DNAI4: variants seen among roughly 807,000 people sequenced by gnomAD.
DNAI4 encodes dynein axonemal intermediate chain 4.
DNAI4 carries 85 observed loss-of-function variants against 105.8 expected under a neutral mutation model. That is an observed-to-expected ratio of 0.80 (90% CI 0.67 to 0.96). DNAI4 has a LOEUF of 0.96. Ranked by LOEUF, DNAI4 falls within the 40% of genes least tolerant of loss-of-function variation. DNAI4 has a pLI of 0.00. For missense variants in DNAI4, 1,014 were observed against 1,005.6 expected (o/e 1.01, Z -0.11); for synonymous variants, 352 against 331.5 (o/e 1.06, Z -0.67).
At chr1:66,871,534 C>A in intron 5 of DNAI4, 25 bp from the exon 6 acceptor site, 1 of 1,544,024 alleles carries the variant, frequency 6.5e-7, no homozygotes, top group Non-Finnish European at 8.7e-7. Flanking sequence ...GTGTATCCAA[C>A]TCATTAATAA....
chr1:66,847,623 A>G lies in DNAI4; in HGVS notation c.1152T>C (p.His384=), dbSNP rs201865643. The G allele has an allele frequency of 1.5e-4, 247 of 1,613,526 alleles. No homozygotes were observed. Among genetic ancestry groups the G allele is most frequent in the Non-Finnish European group, 2.0e-4 (236 of 1,179,896 alleles). The change falls in exon 8 of 17, where the codon CAT becomes CAC. Residue 384 remains histidine, a synonymous_variant. Coordinates refer to ENST00000371026, the MANE Select transcript of DNAI4 (RefSeq NM_024763.5). ...CATCTGAGTGGTCTTCCTCATCTTC[A>G]TGGATTTTTGCCAGAATTACATTTT... ...DIENVILAKI[H]EDEEDHSDAI... is the part of the protein sequence containing the mutation.
intron 7 of DNAI4, chr1:66,848,236 C>G (rs944729319): frequency 2.2e-6 from 1 of 456,238 alleles, no homozygotes; most frequent in Admixed American, 2.3e-5. Flanking sequence ...ACCTTTCCTT[C>G]ATCTTCAAAG....
chr1:66,848,437 G>A (rs1646324868), intron 7 of DNAI4: 2 of 359,076 alleles, frequency 5.6e-6, no homozygotes, highest in East Asian at 7.5e-5. Context: ...CTTTTGCCAT[G>A]TTAGGTAACA....
At chr1:66,915,477 G>C (rs971018421) in intron 1 of DNAI4, among the ~76,000 whole-genome samples, 1 of 152,130 alleles carries the variant, frequency 6.6e-6, no homozygotes, top group Admixed American at 6.5e-5. Flanking sequence ...AGTTTTCATA[G>C]GTCATATAGG....
rs758840066 is a variant in DNAI4, at chr1:66,835,650, C to T, written c.1709G>A (p.Ser570Asn). 1 of 1,614,136 alleles carries T rather than the reference C, an allele frequency of 6.2e-7. No individual in the cohort carries two copies. Among genetic ancestry groups the T allele is most frequent in the Non-Finnish European group, 8.5e-7 (1 of 1,180,010 alleles). The change falls in exon 11 of 17, where the codon AGT (serine) becomes AAT (asparagine). Residue 570 changes from serine to asparagine, a missense_variant. Transcript: ENST00000371026. The part of the protein sequence containing the change: ...TIAIYNVRSN[S>N]NVPVLDSSES... ...CCTACTATCCAGAACTGGAACATTA[C>T]TGTTGCTCCGTACATTGTAAATTGC...
At chr1:66,851,246 G>A (rs1183778179) in intron 7 of DNAI4, among the ~76,000 whole-genome samples, 2 of 151,554 alleles carry the variant, frequency 1.3e-5, no homozygotes, top group Non-Finnish European at 3.0e-5. Flanking sequence ...AATTACCAGG[G>A]ATATATAGCA....
At chr1:66,849,692 T>C (rs533049826) in intron 7 of DNAI4, among the ~76,000 whole-genome samples, 30 of 152,076 alleles carry the variant, frequency 2.0e-4, no homozygotes, top group African/African-American at 6.0e-4. Flanking sequence ...ATCAAAGGAA[T>C]AGAAAGTCTT....
At chr1:66,904,946 C>A (rs3008889) in intron 2 of DNAI4, 25,585 of 390,306 alleles carry the variant, frequency 0.066, 1,084 homozygotes, top group African/African-American at 0.14. Flanking sequence ...TAATTAATAC[C>A]ATAAGCAAAT....
chr1:66,823,388 T>G (rs909077444), intron 15 of DNAI4, among the ~76,000 whole-genome samples: 1 of 152,158 alleles, frequency 6.6e-6, no homozygotes, highest in East Asian at 1.9e-4. Flanking sequence ...TGTGTCTTTA[T>G]AGCAACATGA....
At chr1:66,824,247 C>T (rs1645699670) in intron 15 of DNAI4, among the ~76,000 whole-genome samples, 1 of 143,610 alleles carries the variant, frequency 7.0e-6, no homozygotes, top group African/African-American at 2.6e-5. Flanking sequence ...TCTGAGGGCT[C>T]TGTTCTGTTC....
chr1:66,916,560 A>T (rs1160696892), intron 1 of DNAI4, among the ~76,000 whole-genome samples: 1 of 152,200 alleles, frequency 6.6e-6, no homozygotes, highest in Non-Finnish European at 1.5e-5. Flanking sequence ...CTGTTGTGAA[A>T]GAGGTTGGAA....
intron 13 of DNAI4, among the ~76,000 whole-genome samples, chr1:66,830,140 A>G (rs141282070): frequency 4.6e-5 from 7 of 152,268 alleles, no homozygotes; most frequent in African/African-American, 9.6e-5. Context: ...CTCCACTTTC[A>G]TTCTAAAAAA....
intron 2 of DNAI4, among the ~76,000 whole-genome samples, chr1:66,896,914 A>T (rs1412356624): frequency 6.6e-6 from 1 of 152,258 alleles, no homozygotes; most frequent in African/African-American, 2.4e-5. Context: ...CAAACACCTG[A>T]AAATGTAGAA....
At chr1:66,893,097 G>GAAAGAAAGAA (rs1553227709) in intron 3 of DNAI4, 132 bp downstream of exon 3, 2 of 434,302 alleles carry the variant, frequency 4.6e-6, no homozygotes, top group Non-Finnish European at 7.8e-6. Flanking sequence ...AAGAAAGAAA[G>GAAAGAAAGAA]AAAGAAAGAA....
At chr1:66,851,255 C>G (rs188097595) in intron 7 of DNAI4, among the ~76,000 whole-genome samples, 159 of 151,556 alleles carry the variant, frequency 1.0e-3, no homozygotes, top group African/African-American at 3.6e-3. Flanking sequence ...GGATATATAG[C>G]AACATTATGT....
chr1:66,842,460 G>A (rs1159225000), intron 8 of DNAI4, among the ~76,000 whole-genome samples: 2 of 152,088 alleles, frequency 1.3e-5, no homozygotes, highest in African/African-American at 4.8e-5. Flanking sequence ...GCACCATCTC[G>A]ACTCACTGCA....
intron 4 of DNAI4, among the ~76,000 whole-genome samples, chr1:66,883,180 CTTTTTTTTTTTT>C (rs755412295): frequency 2.1e-5 from 2 of 93,024 alleles, no homozygotes; most frequent in Non-Finnish European, 4.3e-5. Flanking sequence ...GTTTTCTTTT[CTTTTTTTTTTTT>C]TTTTTTTTTG....
chr1:66,849,061 G>A (rs1316360256), intron 7 of DNAI4, among the ~76,000 whole-genome samples: 1 of 152,168 alleles, frequency 6.6e-6, no homozygotes, highest in Admixed American at 6.5e-5. Flanking sequence ...TACAGTGTCA[G>A]TGGAGACCAG....
At chr1:66,823,568 C>G (rs1435350105) in intron 15 of DNAI4, among the ~76,000 whole-genome samples, 1 of 148,062 alleles carries the variant, frequency 6.8e-6, no homozygotes, top group Non-Finnish European at 1.5e-5. Flanking sequence ...TCTCCAGCAC[C>G]TGTTGTTTCC....
Sources: gnomAD v4.1 joint callset for allele counts (sites outside exome capture counted in the v4.1 genomes callset) on GRCh38, gnomAD v4.1.1 for gene constraint, MANE v1.5 for transcripts, NCBI Gene and HGNC (gene_info 2026-07-23, HGNC 2026-07-21) for gene names.